NAV3: variants seen among roughly 807,000 people sequenced by gnomAD.
NAV3 encodes the protein pore membrane and/or filament interacting like protein 1.
A neutral mutation model predicts 244.7 loss-of-function variants in NAV3; 87 were observed. The observed-to-expected ratio is 0.36, with a 90% CI of 0.30 to 0.42. The LOEUF is 0.42. Among genes scored for constraint, NAV3 ranks in the 20% least tolerant of loss-of-function variants. The pLI, the probability that NAV3 is intolerant of heterozygous loss-of-function variation, is 1.00. For missense variants in NAV3, 2,663 were observed against 2,893.3 expected (o/e 0.92, Z 1.83); for synonymous variants, 1,126 against 1,042.2 (o/e 1.08, Z -1.55).
intron 18 of NAV3, among the ~76,000 whole-genome samples, chr12:78,134,061 C>T (rs575399784): frequency 6.6e-6 from 1 of 152,306 alleles, no homozygotes; most frequent in South Asian, 2.1e-4. Flanking sequence ...TAATGTCAAC[C>T]TGTCACTTCT....
At chr12:77,760,423 G>A (rs879934829) in intron 2 of NAV3, among the ~76,000 whole-genome samples, 7 of 152,154 alleles carry the variant, frequency 4.6e-5, no homozygotes, top group Admixed American at 3.9e-4. Flanking sequence ...GAAGGAGAAC[G>A]CTAAGCTGCA....
chr12:77,983,154 A>G (rs1179617790), intron 5 of NAV3, among the ~76,000 whole-genome samples: 1 of 152,144 alleles, frequency 6.6e-6, no homozygotes, highest in Admixed American at 6.6e-5. Context: ...TGTAAAGTAA[A>G]ATTGCTTTGA....
intron 34 of NAV3, among the ~76,000 whole-genome samples, chr12:78,190,477 G>A (rs1288193651): frequency 6.6e-6 from 1 of 151,970 alleles, no homozygotes; most frequent in Admixed American, 6.6e-5. Flanking sequence ...GGTCTCCTAT[G>A]GCATGGTTTC....
At chr12:77,915,069 T>A (rs1379457696) in intron 1 of NAV3, among the ~76,000 whole-genome samples, 1 of 152,034 alleles carries the variant, frequency 6.6e-6, no homozygotes, top group Non-Finnish European at 1.5e-5. Flanking sequence ...GTTAACAAAA[T>A]CTGAATGTCT....
At chr12:78,010,570 T>C (rs977984825) in intron 8 of NAV3, among the ~76,000 whole-genome samples, 4 of 152,102 alleles carry the variant, frequency 2.6e-5, no homozygotes, top group Non-Finnish European at 5.9e-5. Flanking sequence ...ATAAAGCTAG[T>C]AGAAATTTGC....
At chr12:77,974,454 A>AT (rs1213572547) in intron 5 of NAV3, among the ~76,000 whole-genome samples, 4 of 146,862 alleles carry the variant, frequency 2.7e-5, no homozygotes, top group Non-Finnish European at 6.0e-5. Context: ...GCTGTTTATT[A>AT]TTATTTTTTT....
intron 2 of NAV3, among the ~76,000 whole-genome samples, chr12:77,799,294 C>T (rs1356937): frequency 0.97 from 148,220 of 152,334 alleles, 72,262 homozygotes; most frequent in East Asian, 1. Flanking sequence ...ACCACAAATA[C>T]AACTTTTGAG....
intron 3 of NAV3, among the ~76,000 whole-genome samples, chr12:77,941,723 T>G (rs150137579): frequency 2.3e-3 from 346 of 152,284 alleles, no homozygotes; most frequent in African/African-American, 7.6e-3. Flanking sequence ...AGTTTTATAA[T>G]AAAGTCAAAG....
At chr12:77,754,764 G>C (rs1346822360) in intron 2 of NAV3, among the ~76,000 whole-genome samples, 2 of 152,126 alleles carry the variant, frequency 1.3e-5, no homozygotes, top group Non-Finnish European at 2.9e-5. Context: ...GCGAAACTTT[G>C]CCTGGATGTC....
At chr12:78,197,427 A>ATGAAATATG in intron 35 of NAV3, 26 bp downstream of exon 35, 1 of 1,490,204 alleles carries the variant, frequency 6.7e-7, no homozygotes, top group Non-Finnish European at 9.0e-7. Context: ...ATTCTGAATA[A>ATGAAATATG]TGAAATATGA....
chr12:77,751,574 G>C (rs547913970), intron 2 of NAV3, among the ~76,000 whole-genome samples: 4 of 152,092 alleles, frequency 2.6e-5, no homozygotes, highest in Non-Finnish European at 5.9e-5. Context: ...AGAAGGACGT[G>C]TTTGCTTCCC....
At chr12:77,603,831 G>C (rs139561169) in intron 2 of NAV3, among the ~76,000 whole-genome samples, 32 of 152,066 alleles carry the variant, frequency 2.1e-4, no homozygotes, top group African/African-American at 7.5e-4. Flanking sequence ...GAAAGAAGCC[G>C]GTACAAAGGG....
At chr12:78,176,231 C>CAA (rs1958219915) in intron 25 of NAV3, among the ~76,000 whole-genome samples, 1 of 146,100 alleles carries the variant, frequency 6.8e-6, no homozygotes, top group African/African-American at 2.6e-5. Context: ...TCTTTTAATA[C>CAA]CAAAAAAAAA....
intron 5 of NAV3, among the ~76,000 whole-genome samples, 186 bp downstream of exon 5, chr12:77,968,888 A>G (rs1181297685): frequency 6.6e-6 from 1 of 152,178 alleles, no homozygotes; most frequent in African/African-American, 2.4e-5. Flanking sequence ...AACATCTATC[A>G]TCTTTTGGGT....
At chr12:77,612,986 T>C (rs1870985696) in intron 2 of NAV3, among the ~76,000 whole-genome samples, 2 of 152,148 alleles carry the variant, frequency 1.3e-5, no homozygotes, top group East Asian at 3.9e-4. Context: ...AAGAAGGATG[T>C]ATTTACTTCC....
intron 5 of NAV3, among the ~76,000 whole-genome samples, chr12:77,987,943 G>A (rs1443292601): frequency 1.3e-5 from 2 of 152,146 alleles, no homozygotes; most frequent in Admixed American, 6.5e-5. Flanking sequence ...CTGTATTTGG[G>A]AAGCAGTAGT....
intron 18 of NAV3, 146 bp downstream of exon 18, chr12:78,129,012 G>C: frequency 2.8e-6 from 2 of 716,112 alleles, no homozygotes; most frequent in Non-Finnish European, 4.5e-6. Context: ...TTGTGTCATT[G>C]TTTACTCTTC....
At chr12:77,742,635 T>G (rs2137402761) in intron 2 of NAV3, among the ~76,000 whole-genome samples, 1 of 152,180 alleles carries the variant, frequency 6.6e-6, no homozygotes, top group Non-Finnish European at 1.5e-5. Context: ...GTATCAAAAC[T>G]TGTGCACACA....
At chr12:78,093,728 T>A (rs559499200) in intron 12 of NAV3, among the ~76,000 whole-genome samples, 6 of 152,302 alleles carry the variant, frequency 3.9e-5, no homozygotes, top group African/African-American at 1.4e-4. Context: ...CCAAGTAAAA[T>A]TGTTTCTTAC....
Sources: gnomAD v4.1 joint callset for allele counts (sites outside exome capture counted in the v4.1 genomes callset) on GRCh38, gnomAD v4.1.1 for gene constraint, MANE v1.5 for transcripts, NCBI Gene and HGNC (gene_info 2026-07-23, HGNC 2026-07-21) for gene names.